UPF2: variants seen among roughly 807,000 people sequenced by gnomAD.
UPF2 encodes regulator of nonsense transcripts 2.
In UPF2, 17 loss-of-function variants were observed where a neutral mutation model predicts 141.4. That is an observed-to-expected ratio of 0.12 (90% CI 0.08 to 0.18). The LOEUF (loss-of-function observed/expected upper bound fraction) is 0.18, where lower values mean the gene tolerates loss of function less well. Among genes scored for constraint, UPF2 ranks in the 10% least tolerant of loss-of-function variants. The pLI, the probability that UPF2 is intolerant of heterozygous loss-of-function variation, is 1.00. For synonymous variants in UPF2, 540 were observed against 498.0 expected (o/e 1.08, Z -1.12); for missense variants, 1,152 against 1,515.9 (o/e 0.76, Z 3.99).
chr10:12,020,016 C>T lies in UPF2; in HGVS notation c.1146-5832G>A, dbSNP rs141520726. Among the ~76,000 whole-genome samples the T allele has an allele frequency of 7.4e-3, 1,128 of 152,124 alleles. 6 individuals carry two copies. The highest frequency in any genetic ancestry group is 0.012 in the Non-Finnish European group (826 of 67,996). On this transcript the variant is annotated intron_variant, in intron 3 of 21. Transcript: ENST00000357604. Reference sequence around the variant, plus strand: ...CTGGGATTACAGGCATGAGCCACCACGCCCAGTTGAATGTTTTTTATATTA... The same window carrying T: ...CTGGGATTACAGGCATGAGCCACCATGCCCAGTTGAATGTTTTTTATATTA...
intron 1 of UPF2, among the ~76,000 whole-genome samples, chr10:12,037,707 T>C (rs1173914298): frequency 6.6e-6 from 1 of 152,132 alleles, no homozygotes; most frequent in African/African-American, 2.4e-5. Context: ...TTCGTTTTTT[T>C]TTATTAAAAG....
intron 10 of UPF2, among the ~76,000 whole-genome samples, chr10:11,964,790 CT>C (rs1327534268): frequency 6.6e-6 from 1 of 152,108 alleles, no homozygotes; most frequent in East Asian, 1.9e-4. Flanking sequence ...TGAAGTATCC[CT>C]TATCTGAAAT....
At chr10:11,941,519 G>A (rs976340696) in intron 18 of UPF2, among the ~76,000 whole-genome samples, 2 of 151,834 alleles carry the variant, frequency 1.3e-5, no homozygotes, top group African/African-American at 4.8e-5. Context: ...AACTCTAAAG[G>A]ACTGCTCCAT....
At chr10:11,995,802 A>T (rs1833856217) in intron 8 of UPF2, among the ~76,000 whole-genome samples, 1 of 152,116 alleles carries the variant, frequency 6.6e-6, no homozygotes, top group South Asian at 2.1e-4. Flanking sequence ...AGGTTTTACC[A>T]AGAGTTTGAT....
At chr10:11,966,329 A>G (rs1425078656) in intron 10 of UPF2, among the ~76,000 whole-genome samples, 1 of 152,198 alleles carries the variant, frequency 6.6e-6, no homozygotes, top group Non-Finnish European at 1.5e-5. Flanking sequence ...TTTGCTTTAT[A>G]TATTTTGAAG....
Position 11,921,378 on chromosome 10 carries a change from C to T in UPF2, c.3810-71G>A. The T allele has an allele frequency of 6.3e-7, 1 of 1,589,382 alleles. No homozygotes were observed. The highest frequency in any genetic ancestry group is 1.1e-5 in the South Asian group (1 of 90,202). On this transcript the variant is annotated intron_variant, in intron 21 of 21. Coordinates refer to ENST00000357604, the MANE Select transcript of UPF2 (RefSeq NM_015542.4). This position sits in a 1 kb window ranked among gnomAD's most constrained non-coding sequence, Gnocchi z 5.9. The stretch of plus-strand genomic sequence containing the variant: ...ACAAAGTCCAGCAAGATGGCGTCTG[C>T]AACGCTACCCACCACCACCAAGTCA...
chr10:11,930,053 C>A (rs558487707), intron 20 of UPF2, 68 bp from the exon 21 acceptor site: 1 of 1,597,258 alleles, frequency 6.3e-7, no homozygotes, highest in East Asian at 2.2e-5. Context: ...ACAGAGTGAA[C>A]GAAATGTTGG....
intron 8 of UPF2, among the ~76,000 whole-genome samples, chr10:11,994,752 G>A (rs1468784842): frequency 2.0e-5 from 3 of 151,994 alleles, no homozygotes; most frequent in Non-Finnish European, 4.4e-5. Flanking sequence ...CGAGGCGGGT[G>A]GATCACGAAG....
intron 16 of UPF2, among the ~76,000 whole-genome samples, 154 bp downstream of exon 16, chr10:11,948,215 T>C (rs551256427): frequency 1.3e-4 from 16 of 121,470 alleles, no homozygotes; most frequent in African/African-American, 5.2e-4. Context: ...GCCACAGCAC[T>C]CCAACTTGGG....
At chr10:11,984,880 T>A (rs1259173006) in intron 8 of UPF2, among the ~76,000 whole-genome samples, 1 of 152,110 alleles carries the variant, frequency 6.6e-6, no homozygotes, top group Non-Finnish European at 1.5e-5. Flanking sequence ...GCCCGGCTAA[T>A]TTTTGTATTT....
intron 13 of UPF2, 129 bp from the exon 14 acceptor site, chr10:11,955,636 T>G: frequency 4.3e-6 from 4 of 928,446 alleles, no homozygotes; most frequent in Non-Finnish European, 6.2e-6. Flanking sequence ...TGACAGATCT[T>G]TTCTAATAAA....
chr10:11,938,482 T>C (rs1344783835), intron 18 of UPF2, among the ~76,000 whole-genome samples: 6 of 152,156 alleles, frequency 3.9e-5, no homozygotes, highest in African/African-American at 1.4e-4. Context: ...CTGATAGACA[T>C]TTACAAACCA....
chr10:12,021,818 T>C (rs1016759642), intron 3 of UPF2, among the ~76,000 whole-genome samples: 1 of 152,144 alleles, frequency 6.6e-6, no homozygotes, highest in Admixed American at 6.6e-5. Context: ...CAGCATTCTG[T>C]CCAATTTTAA....
At chr10:12,001,324 G>A (rs528031462) in intron 6 of UPF2, among the ~76,000 whole-genome samples, 3 of 152,240 alleles carry the variant, frequency 2.0e-5, no homozygotes, top group African/African-American at 7.2e-5. Context: ...TGAGGCAGGA[G>A]AATTGCTTGA....
chr10:11,935,251 G>A lies in UPF2; in HGVS notation c.3546+1294C>T, dbSNP rs1051647534. The stretch of plus-strand genomic sequence containing the variant: ...GGTAGCCATCCCAACGTGACTTGGT[G>A]TATTTCTCATATGCCTCCCAACACC... On this transcript the variant is annotated intron_variant, in intron 19 of 21. Transcript: ENST00000357604. This position sits in a 1 kb window ranked among gnomAD's most constrained non-coding sequence, Gnocchi z 4.9. 5.3e-5 allele frequency among the ~76,000 whole-genome samples: 8 copies of A among 152,088 alleles called. No individual in the cohort carries two copies. The highest frequency in any genetic ancestry group is 1.9e-4 in the East Asian group (1 of 5,192).
intron 3 of UPF2, among the ~76,000 whole-genome samples, chr10:12,023,877 A>C (rs1331120502): frequency 1.3e-5 from 2 of 150,804 alleles, no homozygotes; most frequent in African/African-American, 4.9e-5. Flanking sequence ...CTATGGTCCC[A>C]GCTACTCAGG....
intron 16 of UPF2, among the ~76,000 whole-genome samples, chr10:11,945,142 G>C (rs1429024853): frequency 6.6e-6 from 1 of 152,206 alleles, no homozygotes; most frequent in East Asian, 1.9e-4. Flanking sequence ...GAATATTGGA[G>C]TTATCACGGA....
Position 12,029,321 on chromosome 10 carries a change from G to A in UPF2, c.569C>T (p.Ser190Phe). The A allele has an allele frequency of 6.2e-7, 1 of 1,614,132 alleles. No homozygotes were observed. Among genetic ancestry groups the A allele is most frequent in the Non-Finnish European group, 8.5e-7 (1 of 1,180,024 alleles). ...TAAATTTAGGCCATTAAAATCATGG[G>A]ACAAGGAGTCTCTCTGTTGTTCTGT... is the stretch of plus-strand genomic sequence containing the variant. ...TITEQQRDSL[S>F]HDFNGLNLSK... is the part of the protein sequence containing the mutation. Residue 190 changes from serine (S) to phenylalanine (F), a missense_variant, in exon 3 of 22, where the codon TCC becomes TTC. Physicochemically the swap from Ser to Phe is radical, Grantham distance 155. Transcript: ENST00000357604.
At chr10:11,938,070 T>C (rs1033512480) in intron 18 of UPF2, among the ~76,000 whole-genome samples, 6 of 152,274 alleles carry the variant, frequency 3.9e-5, no homozygotes, top group African/African-American at 1.4e-4. Flanking sequence ...CAATGGAGTA[T>C]GTTCTTTCGG....
Sources: allele counts gnomAD v4.1 joint callset (sites outside exome capture counted in the v4.1 genomes callset), GRCh38; gene constraint gnomAD v4.1.1; non-coding constraint Gnocchi (gnomAD v3.1); transcripts MANE v1.5; gene names NCBI Gene and HGNC (gene_info 2026-07-23, HGNC 2026-07-21).